PREX2: variants seen among roughly 807,000 people sequenced by gnomAD.
PREX2 encodes phosphatidylinositol 3,4,5-trisphosphate-dependent Rac exchanger 2 protein.
A neutral mutation model predicts 203.2 loss-of-function variants in PREX2; 107 were observed. The ratio of observed to expected loss-of-function variants is 0.53; its 90% CI spans 0.45 to 0.62. The LOEUF (loss-of-function observed/expected upper bound fraction) is 0.62. PREX2 is among the 20% of genes least tolerant of loss of function. The pLI is 0.00. For synonymous variants in PREX2, 672 were observed against 663.6 expected, an observed-to-expected ratio of 1.01 and a Z score of -0.19; for missense variants, 1,777 against 1,955.9, an observed-to-expected ratio of 0.91 and a Z score of 1.72.
chr8:68,230,945 G>A lies in PREX2; in HGVS notation c.4776-388G>A, dbSNP rs974243210. On this transcript the variant is annotated intron_variant, in intron 39 of 39. Coordinates refer to ENST00000288368, the MANE Select transcript of PREX2 (RefSeq NM_024870.4). Reference sequence around the variant, plus strand: ...AAATCAGTAGACCCCTATGAGATAGGTGCCATCTTGCTACAAAATAATCAT... The same window carrying A: ...AAATCAGTAGACCCCTATGAGATAGATGCCATCTTGCTACAAAATAATCAT... Among the ~76,000 whole-genome samples the A allele has an allele frequency of 3.3e-5, 5 of 152,094 alleles. No individual in the cohort carries two copies. The South Asian group carries it at 8.3e-4, about 25-fold the overall frequency.
chr8:68,119,413 T>G lies in PREX2; in HGVS notation c.3422-19T>G. 1.9e-6 allele frequency: 3 copies of G among 1,596,146 alleles called. No homozygotes were observed. Among genetic ancestry groups the G allele is most frequent in the Non-Finnish European group, 2.6e-6 (3 of 1,165,328 alleles). On this transcript the variant is annotated intron_variant, in intron 27 of 39. Coordinates refer to ENST00000288368, the MANE Select transcript of PREX2 (RefSeq NM_024870.4). The stretch of plus-strand genomic sequence containing the variant: ...TGAGTGATTTTGGTTTTTGGTTTTG[T>G]TTTTGTTTTGACATCTAGGTGATGA...
rs1813232586 is a variant in PREX2, at chr8:68,234,665, T to C, written c.*3287T>C. ...TGGATATATAATATTGAATTTATAG[T>C]ATAAGCTTTATTTTATCAGTTCGCA... On this transcript the variant is annotated 3_prime_UTR_variant, in exon 40 of 40. Transcript: ENST00000288368. The C allele has an allele frequency of 6.6e-6, 1 of 152,112 alleles. No individual in the cohort carries two copies. The highest frequency in any genetic ancestry group is 1.5e-5 in the Non-Finnish European group (1 of 68,020). 9.4% of individuals were successfully genotyped at this position (152,112 alleles called of 1,614,324 possible).
chr8:68,095,038 A>G (rs1169755055), intron 21 of PREX2: 1 of 152,226 alleles, frequency 6.6e-6, no homozygotes, highest in African/African-American at 2.4e-5. Flanking sequence ...TGATGAAGAG[A>G]TAAATAGGGC....
chr8:68,110,747 A>T (rs1810518423), intron 25 of PREX2, among the ~76,000 whole-genome samples: 1 of 152,192 alleles, frequency 6.6e-6, no homozygotes, highest in African/African-American at 2.4e-5. Context: ...CTCATTTTAC[A>T]CATTTTTGAA....
intron 20 of PREX2, among the ~76,000 whole-genome samples, chr8:68,092,364 A>G (rs1394656044): frequency 6.6e-6 from 1 of 152,212 alleles, no homozygotes; most frequent in African/African-American, 2.4e-5. Context: ...ATTTGTAGCA[A>G]TATATTAATT....
intron 30 of PREX2, among the ~76,000 whole-genome samples, chr8:68,121,402 C>CA (rs34585912): frequency 1.9e-4 from 28 of 147,326 alleles, no homozygotes; most frequent in South Asian, 8.6e-4. Flanking sequence ...AGTTTATCCA[C>CA]AAAAAAAAAA....
chr8:68,105,093 G>T (rs761950366), intron 23 of PREX2: 3 of 1,349,564 alleles, frequency 2.2e-6, no homozygotes, highest in Non-Finnish European at 3.0e-6. Context: ...ATGTTCTCAT[G>T]CATGAACCAC....
At chr8:68,098,422 A>C (rs7832048) in intron 22 of PREX2, among the ~76,000 whole-genome samples, 3,521 of 152,256 alleles carry the variant, frequency 0.023, 118 homozygotes, top group African/African-American at 0.072. Context: ...TCTGAAAGTT[A>C]GCTTTTTAAA....
At chr8:67,976,621 G>C (rs1243405532) in intron 1 of PREX2, among the ~76,000 whole-genome samples, 1 of 109,494 alleles carries the variant, frequency 9.1e-6, no homozygotes, top group African/African-American at 3.6e-5. Context: ...GACAGAGACA[G>C]AGAGAGAGAG....
At chr8:68,150,239 T>C (rs1194960601) in intron 34 of PREX2, among the ~76,000 whole-genome samples, 1 of 152,076 alleles carries the variant, frequency 6.6e-6, no homozygotes, top group Non-Finnish European at 1.5e-5. Flanking sequence ...TTTCCAGGAC[T>C]CCCCTGGGCC....
At chr8:68,130,241 G>C (rs1413425293) in intron 31 of PREX2, among the ~76,000 whole-genome samples, 1 of 152,088 alleles carries the variant, frequency 6.6e-6, no homozygotes, top group Non-Finnish European at 1.5e-5. Context: ...AGTGAGCTAT[G>C]ATCGTGCCAC....
chr8:68,108,762 C>G (rs1368081206), intron 24 of PREX2, among the ~76,000 whole-genome samples: 6 of 152,106 alleles, frequency 3.9e-5, no homozygotes, highest in Admixed American at 3.9e-4. Flanking sequence ...AATTTCTGAA[C>G]TAAATTCAGC....
intron 1 of PREX2, among the ~76,000 whole-genome samples, chr8:67,975,408 G>A (rs1726108820): frequency 6.7e-6 from 1 of 150,024 alleles, no homozygotes; most frequent in African/African-American, 2.5e-5. Flanking sequence ...AATTTCTAAT[G>A]CAGTGCCAGG....
chr8:68,203,773 C>T (rs764944043), intron 37 of PREX2, among the ~76,000 whole-genome samples: 5 of 152,158 alleles, frequency 3.3e-5, no homozygotes, highest in Non-Finnish European at 7.3e-5. Flanking sequence ...CAGAAGGATC[C>T]ACTCAAAGGT....
chr8:68,125,065 C>T lies in PREX2; in HGVS notation c.3725-2313C>T, dbSNP rs1337422032. On this transcript the variant is annotated intron_variant, in intron 30 of 39. Coordinates refer to ENST00000288368, the MANE Select transcript of PREX2 (RefSeq NM_024870.4). ...GCTTCATCTCAATGGACTATGCAAG[C>T]GAGAGGGCATGCTACCATTTCCTGG... Among the ~76,000 whole-genome samples, 9 of 152,104 alleles carry T rather than the reference C, an allele frequency of 5.9e-5. No homozygotes were observed. The East Asian group carries it at 9.7e-4, about 16-fold the overall frequency.
chr8:68,073,204 A>T (rs1205218143), intron 14 of PREX2, among the ~76,000 whole-genome samples: 1 of 150,700 alleles, frequency 6.6e-6, no homozygotes, highest in Admixed American at 6.7e-5. Context: ...AAATATTTAA[A>T]TGTTTTATCA....
intron 1 of PREX2, among the ~76,000 whole-genome samples, chr8:67,985,354 T>C (rs552387203): frequency 3.0e-4 from 42 of 137,964 alleles, no homozygotes; most frequent in South Asian, 7.0e-4. Flanking sequence ...ATTTTTTTGA[T>C]ATAATATAAT....
intron 13 of PREX2, among the ~76,000 whole-genome samples, chr8:68,071,289 C>T (rs1585757872): frequency 6.6e-6 from 1 of 152,166 alleles, no homozygotes; most frequent in East Asian, 1.9e-4. Context: ...GTATGATAGT[C>T]AGGCTTTTAA....
chr8:68,055,145 C>T (rs6985261), intron 9 of PREX2, among the ~76,000 whole-genome samples: 87,313 of 152,064 alleles, frequency 0.57, 26,554 homozygotes, highest in African/African-American at 0.78. Flanking sequence ...ACACAACTTT[C>T]TTTCCTGCAC....
Sources: gnomAD v4.1 joint callset for allele counts (sites outside exome capture counted in the v4.1 genomes callset) on GRCh38, gnomAD v4.1.1 for gene constraint, MANE v1.5 for transcripts, NCBI Gene and HGNC (gene_info 2026-07-23, HGNC 2026-07-21) for gene names.